Variants in OLFM3 observed in about 807,000 individuals in gnomAD.
OLFM3 encodes the protein olfactomedin 3.
Under a neutral mutation model 48.6 loss-of-function variants are expected in OLFM3, and 20 were observed. That is an observed-to-expected ratio of 0.41 (90% confidence interval 0.29 to 0.60). The LOEUF (loss-of-function observed/expected upper bound fraction) is 0.60, where lower values mean the gene tolerates loss of function less well. OLFM3 is among the 20% of genes least tolerant of loss of function. The probability of loss-of-function intolerance (pLI) is 0.28; values close to 1 mark genes in which losing one functional copy is unlikely to be tolerated. For synonymous variants in OLFM3, 222 were observed against 198.1 expected, an observed-to-expected ratio of 1.12 and a Z score of -1.01; for missense variants, 437 against 544.3, an observed-to-expected ratio of 0.80 and a Z score of 1.96.
intron 1 of OLFM3, among the ~76,000 whole-genome samples, chr1:101,932,112 C>T (rs1659462485): frequency 6.6e-6 from 1 of 152,070 alleles, no homozygotes; most frequent in African/African-American, 2.4e-5. Flanking sequence ...TACTGTAAGG[C>T]TTTATTTTTT....
At chr1:101,837,061 C>A (rs1655457380) in intron 1 of OLFM3, 36 bp from the exon 2 acceptor site, 1 of 1,587,568 alleles carries the variant, frequency 6.3e-7, no homozygotes, top group Non-Finnish European at 8.6e-7. Flanking sequence ...AACACAGACT[C>A]CTGTTATAGG....
At chr1:101,980,015 C>T (rs906410366) in intron 1 of OLFM3, among the ~76,000 whole-genome samples, 3 of 152,098 alleles carry the variant, frequency 2.0e-5, no homozygotes, top group Admixed American at 6.6e-5. Flanking sequence ...TAATGACTGC[C>T]CTTTGGATTT....
At chr1:101,882,340 ATAT>A (rs151266909) in intron 1 of OLFM3, among the ~76,000 whole-genome samples, 69,359 of 146,666 alleles carry the variant, frequency 0.47, 17,067 homozygotes, top group Non-Finnish European at 0.56. Context: ...TAATATATAT[ATAT>A]ATATATAAAG....
intron 2 of OLFM3, among the ~76,000 whole-genome samples, chr1:101,833,058 T>C (rs1487477354): frequency 1.3e-5 from 2 of 152,244 alleles, no homozygotes; most frequent in Non-Finnish European, 2.9e-5. Flanking sequence ...TTAGCATGGC[T>C]GATATCCTGG....
chr1:101,807,180 C>G (rs1010728327), intron 4 of OLFM3, among the ~76,000 whole-genome samples: 2 of 151,438 alleles, frequency 1.3e-5, no homozygotes, highest in African/African-American at 4.8e-5. Context: ...GTATATTGCA[C>G]CCAGGTAGTA....
intron 4 of OLFM3, among the ~76,000 whole-genome samples, chr1:101,819,222 C>T (rs138423156): frequency 5.9e-5 from 9 of 151,964 alleles, no homozygotes; most frequent in African/African-American, 1.7e-4. Context: ...AGAAAGCATG[C>T]GCAATTGAGA....
At chr1:101,926,277 G>T (rs1659268427) in intron 1 of OLFM3, among the ~76,000 whole-genome samples, 1 of 152,122 alleles carries the variant, frequency 6.6e-6, no homozygotes, top group South Asian at 2.1e-4. Flanking sequence ...ATGGTACTAT[G>T]GGGATGATGA....
chr1:101,954,978 A>C (rs989394914), intron 1 of OLFM3, among the ~76,000 whole-genome samples: 1 of 152,052 alleles, frequency 6.6e-6, no homozygotes. Flanking sequence ...CAACAGTTTT[A>C]CTGCTGGAGA....
rs541782118 is a variant in OLFM3 at position 101,922,957 on chromosome 1, A to G, written c.69+73791T>C. 1.1e-3 allele frequency among the ~76,000 whole-genome samples: 167 copies of G among 152,338 alleles called. 2 individuals carry two copies. Among genetic ancestry groups the G allele is most frequent in the African/African-American group, 3.8e-3 (160 of 41,586 alleles). On this transcript the variant is annotated intron_variant, in intron 1 of 5. Coordinates refer to ENST00000370103, the MANE Select transcript of OLFM3 (RefSeq NM_058170.4). The stretch of plus-strand genomic sequence containing the variant: ...ATTTAATTCTATGGAAGCTCTATAA[A>G]GCAGTTGCTATAATTTCTCCCAATA...
chr1:101,825,115 T>A lies in OLFM3; in HGVS notation c.503A>T (p.Gln168Leu). Residue 168 changes from glutamine (Q) to leucine (L), a missense_variant, in exon 4 of 6, where the codon CAG becomes CTG. Gln to Leu is a moderately radical substitution (Grantham distance 113). Around this residue, in one of 3 missense-constraint regions of OLFM3, gnomAD observed 314 missense variants for 365.5 expected, o/e 0.86. Transcript: ENST00000370103. ...GTAGTCATAGGCACCAATTTCCTCC[T>A]GAATACCAGTGAGGACAGCAGACAG... ...RNLSAVLTGI[Q>L]EEIGAYDYEE... The A allele has an allele frequency of 6.2e-7, 1 of 1,613,980 alleles. No homozygotes were observed. Among genetic ancestry groups the A allele is most frequent in the Non-Finnish European group, 8.5e-7 (1 of 1,179,824 alleles).
chr1:101,984,532 G>T (rs1236461977), intron 1 of OLFM3, among the ~76,000 whole-genome samples: 1 of 152,120 alleles, frequency 6.6e-6, no homozygotes, highest in Non-Finnish European at 1.5e-5. Flanking sequence ...CAAGTAGCTG[G>T]AACTACAGGC....
chr1:101,985,315 C>T (rs1048251709), intron 1 of OLFM3, among the ~76,000 whole-genome samples: 3 of 152,178 alleles, frequency 2.0e-5, no homozygotes, highest in African/African-American at 7.2e-5. Context: ...TTAACATATG[C>T]ACAGGTTTTG....
At chr1:101,891,120 C>G (rs946768040) in intron 1 of OLFM3, among the ~76,000 whole-genome samples, 2 of 151,958 alleles carry the variant, frequency 1.3e-5, no homozygotes, top group Admixed American at 6.6e-5. Flanking sequence ...GTTGAACTAA[C>G]GTCAGCACCC....
intron 1 of OLFM3, chr1:101,893,724 GC>G (rs1232901000): frequency 1.3e-5 from 2 of 155,810 alleles, no homozygotes; most frequent in African/African-American, 4.8e-5. Context: ...CAAGCATGGA[GC>G]CATCAAGCAT....
chr1:101,804,689 T>G lies in OLFM3; in HGVS notation c.926A>C (p.Glu309Ala). 6.2e-7 allele frequency: 1 copy of G among 1,612,580 alleles called. No homozygotes were observed. Among genetic ancestry groups the G allele is most frequent in the Non-Finnish European group, 8.5e-7 (1 of 1,179,146 alleles). The change falls in exon 6 of 6, where the codon GAG becomes GCG. Residue 309 changes from glutamate to alanine, a missense_variant. Transcript: ENST00000370103. The surrounding 1 kb of genome is among the most constrained non-coding windows in gnomAD (Gnocchi z 4.5). ...GTAAACATTATGAAAACCAGCATAC[T>G]CCAGGCTTCGTTGGGCAAGCACTCT... The part of the protein sequence containing the change: ...MGRVLAQRSL[E>A]YAGFHNVYPY...
At chr1:101,925,270 A>G (rs1238231048) in intron 1 of OLFM3, among the ~76,000 whole-genome samples, 1 of 151,864 alleles carries the variant, frequency 6.6e-6, no homozygotes, top group African/African-American at 2.4e-5. Flanking sequence ...TTTTTCTATA[A>G]TATTTGTATT....
intron 1 of OLFM3, among the ~76,000 whole-genome samples, chr1:101,925,965 C>T (rs1659259249): frequency 6.6e-6 from 1 of 152,126 alleles, no homozygotes; most frequent in Non-Finnish European, 1.5e-5. Flanking sequence ...ATATATTAAT[C>T]ACATTTTTAA....
intron 4 of OLFM3, among the ~76,000 whole-genome samples, chr1:101,807,199 A>G (rs1653818026): frequency 6.6e-6 from 1 of 151,738 alleles, no homozygotes; most frequent in Admixed American, 6.6e-5. Context: ...TAAGCATAGC[A>G]CCCAATATAT....
chr1:101,912,953 G>C (rs1351700367), intron 1 of OLFM3, among the ~76,000 whole-genome samples: 2 of 152,130 alleles, frequency 1.3e-5, no homozygotes, highest in East Asian at 1.9e-4. Flanking sequence ...GAGCTACAAA[G>C]TCAAATTTCA....
Sources: gnomAD v4.1 joint callset for allele counts (sites outside exome capture counted in the v4.1 genomes callset) on GRCh38, gnomAD v4.1.1 for gene constraint, gnomAD v4.1.1 regional missense constraint, Gnocchi (gnomAD v3.1) non-coding constraint, MANE v1.5 for transcripts, NCBI Gene and HGNC (gene_info 2026-07-23, HGNC 2026-07-21) for gene names.